The following SLC71A2 variants were observed in gnomAD, a reference collection of about 807,000 sequenced individuals.
SLC71A2 encodes hippocampus abundant transcript-like 1.
the SLC71A2 span, among the ~76,000 whole-genome samples, chr9:94,424,440 G>A: frequency 6.6e-6 from 1 of 151,850 alleles, no homozygotes; most frequent in African/African-American, 2.4e-5. Context: ...TCACCATGTT[G>A]GCCAGGCTGG....
the SLC71A2 span, chr9:94,415,051 G>C: frequency 5.4e-6 from 4 of 741,114 alleles, no homozygotes; most frequent in Non-Finnish European, 7.0e-6. Context: ...GACAGAGGTA[G>C]GCCCTAAATT....
chr9:94,446,742 A>G, the SLC71A2 span: 1 of 707,842 alleles, frequency 1.4e-6, no homozygotes, highest in Non-Finnish European at 2.5e-6. Context: ...ATAGATCAAA[A>G]TAATGAAGCT....
chr9:94,388,509 G>T, the SLC71A2 span, among the ~76,000 whole-genome samples: 1 of 152,168 alleles, frequency 6.6e-6, no homozygotes, highest in African/African-American at 2.4e-5. Flanking sequence ...ACTTAAAAGG[G>T]ACTTGGTGAA....
At chr9:94,402,254 G>A in the SLC71A2 span, among the ~76,000 whole-genome samples, 43,658 of 151,904 alleles carry the variant, frequency 0.29, 7,834 homozygotes, top group East Asian at 0.56. Context: ...TGGTTCACAC[G>A]CCTCTGACAG....
At chr9:94,384,582 C>A in the SLC71A2 span, among the ~76,000 whole-genome samples, 1 of 152,182 alleles carries the variant, frequency 6.6e-6, no homozygotes, top group African/African-American at 2.4e-5. Context: ...TCAAGTGATA[C>A]ACCCGCCTTG....
At chr9:94,379,089 C>CTT in the SLC71A2 span, among the ~76,000 whole-genome samples, 10 of 84,104 alleles carry the variant, frequency 1.2e-4, 2 homozygotes, top group African/African-American at 3.2e-4. Flanking sequence ...TGTGCATTTC[C>CTT]TTTTTTTTTT....
chr9:94,379,664 T>A, the SLC71A2 span, among the ~76,000 whole-genome samples: 1 of 152,134 alleles, frequency 6.6e-6, no homozygotes, highest in African/African-American at 2.4e-5. Context: ...GTGCTGGGAT[T>A]ATAGGCATGA....
the SLC71A2 span, among the ~76,000 whole-genome samples, chr9:94,384,302 A>C: frequency 1.3e-5 from 2 of 149,432 alleles, no homozygotes; most frequent in African/African-American, 4.9e-5. Context: ...AATGTCCTCA[A>C]GGTTTGTCCA....
At chr9:94,394,917 T>TTG in the SLC71A2 span, among the ~76,000 whole-genome samples, 86 of 69,910 alleles carry the variant, frequency 1.2e-3, 4 homozygotes, top group South Asian at 4.0e-3. Context: ...CTTTTTTTGT[T>TTG]TTTTTTTTTT....
At chr9:94,421,298 A>G in the SLC71A2 span, among the ~76,000 whole-genome samples, 12 of 152,204 alleles carry the variant, frequency 7.9e-5, no homozygotes, top group African/African-American at 4.8e-5. Context: ...CAGCTTGATG[A>G]ATTTTTATAC....
the SLC71A2 span, among the ~76,000 whole-genome samples, chr9:94,421,914 T>G: frequency 9.9e-5 from 15 of 152,238 alleles, no homozygotes; most frequent in African/African-American, 3.4e-4. Context: ...AGTTTCTCTT[T>G]TTCTTTTCTT....
At chr9:94,375,148 C>G in the SLC71A2 span, among the ~76,000 whole-genome samples, 3 of 151,956 alleles carry the variant, frequency 2.0e-5, no homozygotes, top group Admixed American at 2.0e-4. Context: ...TCAAAAGGCG[C>G]TAGACATGGG....
At chr9:94,422,911 C>T in the SLC71A2 span, among the ~76,000 whole-genome samples, 22 of 149,446 alleles carry the variant, frequency 1.5e-4, no homozygotes, top group African/African-American at 4.9e-4. Context: ...ATATATTTTC[C>T]TTATTCTTGG....
At chr9:94,430,316 G>A in the SLC71A2 span, among the ~76,000 whole-genome samples, 143 of 151,104 alleles carry the variant, frequency 9.5e-4, no homozygotes, top group Middle Eastern at 3.4e-3. Flanking sequence ...TCCACCTCCC[G>A]GGTTCGAGTG....
the SLC71A2 span, among the ~76,000 whole-genome samples, chr9:94,383,727 G>A: frequency 6.6e-6 from 1 of 152,058 alleles, no homozygotes; most frequent in East Asian, 1.9e-4. Context: ...CTTTTGCCGT[G>A]AAGATCTGTT....
At chr9:94,430,931 A>G in the SLC71A2 span, among the ~76,000 whole-genome samples, 53 of 152,276 alleles carry the variant, frequency 3.5e-4, no homozygotes, top group African/African-American at 1.3e-3. Context: ...ATAGTAAAGC[A>G]TATGAGTATA....
the SLC71A2 span, among the ~76,000 whole-genome samples, chr9:94,446,164 G>A: frequency 3.3e-5 from 5 of 152,196 alleles, no homozygotes; most frequent in East Asian, 5.8e-4. Context: ...AACAACATTA[G>A]CTGCTTTTGC....
the SLC71A2 span, among the ~76,000 whole-genome samples, chr9:94,382,265 C>G: frequency 6.6e-6 from 1 of 152,078 alleles, no homozygotes; most frequent in Admixed American, 6.6e-5. Flanking sequence ...GGATTCAAGT[C>G]GTCCACCTGC....
the SLC71A2 span, among the ~76,000 whole-genome samples, chr9:94,441,666 C>T: frequency 6.6e-6 from 1 of 152,190 alleles, no homozygotes; most frequent in Non-Finnish European, 1.5e-5. Flanking sequence ...TGGAGAGGTG[C>T]TGAACCTCAG....
Sources: gnomAD v4.1 joint callset for allele counts (sites outside exome capture counted in the v4.1 genomes callset) on GRCh38, gnomAD v4.1.1 for gene constraint, MANE v1.5 for transcripts, NCBI Gene and HGNC (gene_info 2026-07-23, HGNC 2026-07-21) for gene names.